The following FBXW11 variants were observed in gnomAD, a reference collection of about 807,000 sequenced individuals.
FBXW11 encodes F-box/WD repeat-containing protein 11.
Under a neutral mutation model 77.6 loss-of-function variants are expected in FBXW11, and 19 were observed. The ratio of observed to expected loss-of-function variants is 0.24; its 90% CI spans 0.17 to 0.36. The LOEUF is 0.36. Ranked by LOEUF, FBXW11 falls within the 10% of genes least tolerant of loss-of-function variation. The pLI, the probability that FBXW11 is intolerant of heterozygous loss-of-function variation, is 1.00. For synonymous variants in FBXW11, 235 were observed against 249.4 expected (o/e 0.94, Z 0.54); for missense variants, 334 against 704.2 (o/e 0.47, Z 5.95).
chr5:172,006,088 G>A (rs1472417470), intron 1 of FBXW11, among the ~76,000 whole-genome samples: 1 of 152,148 alleles, frequency 6.6e-6, no homozygotes, highest in Non-Finnish European at 1.5e-5. Context: ...CGCGGTGCGG[G>A]CCTGGGCCGA....
intron 1 of FBXW11, chr5:171,996,827 T>C: frequency 8.8e-7 from 1 of 1,133,956 alleles, no homozygotes; most frequent in South Asian, 1.5e-5. Context: ...GGAAAATATT[T>C]TTCAAAATTT....
Position 171,876,231 on chromosome 5 carries a change from C to A in FBXW11, c.1221+54G>T. 6.2e-7 allele frequency: 1 copy of A among 1,601,450 alleles called. No individual in the cohort carries two copies. The highest frequency in any genetic ancestry group is 1.7e-5 in the Admixed American group (1 of 59,646). On this transcript the variant is annotated intron_variant, in intron 9 of 13. Transcript: ENST00000517395. This position sits in a 1 kb window ranked among gnomAD's most constrained non-coding sequence, Gnocchi z 4.2. ...TTGGTATAAGCCACCTCTGCTTTGT[C>A]TCTGTTCTAAAAGGGACAGGAACAG... is the stretch of plus-strand genomic sequence containing the variant.
intron 2 of FBXW11, among the ~76,000 whole-genome samples, chr5:171,934,111 G>A (rs1762355483): frequency 6.6e-6 from 1 of 152,172 alleles, no homozygotes; most frequent in Non-Finnish European, 1.5e-5. Context: ...TACAATGTAT[G>A]CCTTAGTGCG....
chr5:171,952,447 A>ATATATATATATATATATATATTTTTTT, intron 2 of FBXW11, among the ~76,000 whole-genome samples: 1 of 6,948 alleles, frequency 1.4e-4, no homozygotes, highest in Admixed American at 2.9e-3. Flanking sequence ...ATATATATAT[A>ATATATATATATATATATATATTTTTTT]TTTTTTTTTT....
At chr5:171,952,549 T>A (rs1460500632) in intron 2 of FBXW11, among the ~76,000 whole-genome samples, 1 of 139,862 alleles carries the variant, frequency 7.1e-6, no homozygotes, top group Non-Finnish European at 1.5e-5. Context: ...ACCTCCTGGG[T>A]TCAAGCAATT....
chr5:171,953,111 A>G (rs1025150024), intron 2 of FBXW11, among the ~76,000 whole-genome samples: 5 of 152,176 alleles, frequency 3.3e-5, no homozygotes, highest in African/African-American at 9.6e-5. Flanking sequence ...CTAGGACTAC[A>G]GGCACATGCC....
intron 2 of FBXW11, among the ~76,000 whole-genome samples, chr5:171,950,993 TA>T (rs1257186354): frequency 6.6e-6 from 1 of 152,058 alleles, no homozygotes. Context: ...TATACAATGA[TA>T]AAGAACAAAA....
At position 171,862,018 on chromosome 5, in the gene FBXW11, T is replaced by C. The variant is rs1757120227; in HGVS notation, c.*2109A>G. 1 of 152,670 alleles carries C rather than the reference T, an allele frequency of 6.6e-6. No individual in the cohort carries two copies. The highest frequency in any genetic ancestry group is 1.5e-5 in the Non-Finnish European group (1 of 68,046). 9.5% of individuals were successfully genotyped at this position (152,670 alleles called of 1,614,324 possible). A position where few individuals can be genotyped will look rare whatever the true frequency, so the allele number is the denominator to read the frequency against. The stretch of plus-strand genomic sequence containing the variant: ...TAGTAGGCACAATTCAAAGGTTGTC[T>C]GCATATTCAAAGGCCATCATCTCCC... On this transcript the variant is annotated 3_prime_UTR_variant, in exon 14 of 14. Transcript: ENST00000517395.
At chr5:171,968,214 T>C (rs1309597927) in intron 1 of FBXW11, among the ~76,000 whole-genome samples, 1 of 151,906 alleles carries the variant, frequency 6.6e-6, no homozygotes, top group East Asian at 1.9e-4. Flanking sequence ...CCCAGCACTT[T>C]GGGAGGCCGA....
intron 1 of FBXW11, among the ~76,000 whole-genome samples, chr5:171,991,225 A>C (rs1765716673): frequency 6.6e-6 from 1 of 152,176 alleles, no homozygotes; most frequent in South Asian, 2.1e-4. Flanking sequence ...TCATGTCTCC[A>C]TGCTTTCACT....
Position 171,863,421 on chromosome 5 carries a change from A to G in FBXW11, c.*706T>C, listed in dbSNP as rs1757202667. 2.0e-5 allele frequency: 3 copies of G among 152,616 alleles called. No individual in the cohort carries two copies. Among genetic ancestry groups the G allele is most frequent in the African/African-American group, 4.8e-5 (2 of 41,462 alleles). 9.5% of individuals were successfully genotyped at this position (152,616 alleles called of 1,614,324 possible). A position where few individuals can be genotyped will look rare whatever the true frequency, so the allele number is the denominator to read the frequency against. The stretch of plus-strand genomic sequence containing the variant: ...ACGTATAAAGGTGTTACTCTACCAA[A>G]TATCAGGAGATGGTTGGGGGACAGA... On this transcript the variant is annotated 3_prime_UTR_variant, in exon 14 of 14. Coordinates refer to ENST00000517395, the MANE Select transcript of FBXW11 (RefSeq NM_001378974.1).
intron 7 of FBXW11, among the ~76,000 whole-genome samples, chr5:171,879,126 C>T (rs1758336748): frequency 6.6e-6 from 1 of 152,200 alleles, no homozygotes; most frequent in Non-Finnish European, 1.5e-5. Context: ...TTTTCACACT[C>T]TGAGTGTTCC....
At chr5:171,928,881 T>C (rs1210897295) in intron 2 of FBXW11, among the ~76,000 whole-genome samples, 4 of 152,032 alleles carry the variant, frequency 2.6e-5, no homozygotes, top group Admixed American at 2.0e-4. Flanking sequence ...AAGACCAGCC[T>C]GGCCAATGCA....
At position 171,895,689 on chromosome 5, in the gene FBXW11, G is replaced by C. The variant is rs1037630241; in HGVS notation, c.714+3315C>G. ...CCTATCTCTCTGTTAATAGACAATTGGGGGCACGCTAGAGTGAAAGCAGCA... is the reference window on the plus strand; with the variant it reads ...CCTATCTCTCTGTTAATAGACAATTCGGGGCACGCTAGAGTGAAAGCAGCA... On this transcript the variant is annotated intron_variant, in intron 6 of 13. Transcript: ENST00000517395. Among the ~76,000 whole-genome samples, 9 of 152,202 alleles carry C rather than the reference G, an allele frequency of 5.9e-5. No homozygotes were observed. The East Asian group carries it at 1.7e-3, about 29-fold the overall frequency.
intron 2 of FBXW11, among the ~76,000 whole-genome samples, chr5:171,920,415 T>TA (rs1429893723): frequency 2.9e-5 from 3 of 103,006 alleles, no homozygotes; most frequent in Non-Finnish European, 4.4e-5. Context: ...ACACCGCTAT[T>TA]TAAAAAAAAA....
At chr5:171,892,662 C>T (rs983158295) in intron 6 of FBXW11, among the ~76,000 whole-genome samples, 7 of 152,198 alleles carry the variant, frequency 4.6e-5, no homozygotes, top group African/African-American at 1.7e-4. Flanking sequence ...AGAAGTAGGT[C>T]ATACCCAGAG....
At chr5:171,934,959 G>GT (rs1468637557) in intron 2 of FBXW11, among the ~76,000 whole-genome samples, 2 of 151,586 alleles carry the variant, frequency 1.3e-5, no homozygotes, top group African/African-American at 4.8e-5. Context: ...TTTTTTGTTT[G>GT]TTTTTTGTTT....
At position 171,866,422 on chromosome 5, in the gene FBXW11, T is replaced by C. The variant is rs901995619; in HGVS notation, c.*25+2188A>G. The stretch of plus-strand genomic sequence containing the variant: ...ACCTCCAGCTTAAGCAGATAAGATT[T>C]TTCCATTGACTTATAATTGATCACA... On this transcript the variant is annotated intron_variant, in intron 13 of 13. Coordinates refer to ENST00000517395, the MANE Select transcript of FBXW11 (RefSeq NM_001378974.1). Among the ~76,000 whole-genome samples, 5 of 152,330 alleles carry C rather than the reference T, an allele frequency of 3.3e-5. 1 individual carries two copies. The highest frequency in any genetic ancestry group is 1.2e-4 in the African/African-American group (5 of 41,564).
chr5:171,988,195 A>G (rs1391717797), intron 1 of FBXW11, among the ~76,000 whole-genome samples: 2 of 152,206 alleles, frequency 1.3e-5, no homozygotes, highest in Admixed American at 6.5e-5. Flanking sequence ...ATGACAACCC[A>G]TGGCAATGAT....
Sources: gnomAD v4.1 joint callset for allele counts (sites outside exome capture counted in the v4.1 genomes callset) on GRCh38, gnomAD v4.1.1 for gene constraint, Gnocchi (gnomAD v3.1) non-coding constraint, MANE v1.5 for transcripts, NCBI Gene and HGNC (gene_info 2026-07-23, HGNC 2026-07-21) for gene names.